Variants in NRDE2 observed in about 807,000 individuals in gnomAD.
NRDE2 encodes NRDE-2, necessary for RNA interference, domain containing.
A neutral mutation model predicts 124.2 loss-of-function variants in NRDE2; 76 were observed. The observed-to-expected ratio is 0.61, with a 90% CI of 0.51 to 0.74. The LOEUF (loss-of-function observed/expected upper bound fraction) is 0.74, where lower values mean the gene tolerates loss of function less well. NRDE2 is among the 30% of genes least tolerant of loss of function. The pLI, the probability that NRDE2 is intolerant of heterozygous loss-of-function variation, is 0.00. For synonymous variants in NRDE2, 489 were observed against 528.1 expected, an observed-to-expected ratio of 0.93 and a Z score of 1.01; for missense variants, 1,314 against 1,417.3, an observed-to-expected ratio of 0.93 and a Z score of 1.17.
chr14:90,287,199 T>C (rs1743101930), intron 11 of NRDE2, among the ~76,000 whole-genome samples: 1 of 151,972 alleles, frequency 6.6e-6, no homozygotes, highest in South Asian at 2.1e-4. Context: ...AAAAAACAAG[T>C]GAAATATTAT....
At chr14:90,285,648 T>A (rs1009138451) in intron 12 of NRDE2, among the ~76,000 whole-genome samples, 6 of 151,902 alleles carry the variant, frequency 3.9e-5, no homozygotes, top group Admixed American at 3.3e-4. Flanking sequence ...ATTTTTTTTT[T>A]AAGAGACAAG....
chr14:90,304,863 T>C (rs1049351589), intron 4 of NRDE2, among the ~76,000 whole-genome samples: 27 of 152,122 alleles, frequency 1.8e-4, no homozygotes, highest in African/African-American at 3.1e-4. Flanking sequence ...GAAGATAACA[T>C]ATAGGCCTAA....
chr14:90,317,953 T>A (rs1885106055), intron 2 of NRDE2, 52 bp downstream of exon 2: 1 of 1,341,830 alleles, frequency 7.5e-7, no homozygotes, highest in South Asian at 1.2e-5. Context: ...TCAGCTAAGC[T>A]ATAGACAGTA....
In NRDE2 at chr14:90,268,396, C is replaced by T. The variant is rs762847784; in HGVS notation, c.*9940G>A. The T allele has an allele frequency of 2.0e-5, 33 of 1,613,070 alleles. No individual in the cohort carries two copies. In the Middle Eastern group the frequency reaches 4.9e-4, roughly 24 times the overall value. ...CCATCGTGTTTATTGATGAAATTGACGCCATTGGGACAAAAAGGTAGACTT... is the reference window on the plus strand; with the variant it reads ...CCATCGTGTTTATTGATGAAATTGATGCCATTGGGACAAAAAGGTAGACTT... On this transcript the variant is annotated 3_prime_UTR_variant, in exon 14 of 14. Transcript: ENST00000354366.
intron 1 of NRDE2, among the ~76,000 whole-genome samples, chr14:90,324,493 T>C (rs1378280413): frequency 2.0e-5 from 3 of 151,894 alleles, no homozygotes; most frequent in Non-Finnish European, 4.4e-5. Flanking sequence ...CTGGCCAACA[T>C]GGTGAAACCC....
chr14:90,312,268 G>C, intron 4 of NRDE2, 126 bp downstream of exon 4: 1 of 817,806 alleles, frequency 1.2e-6, no homozygotes, highest in Non-Finnish European at 1.9e-6. Context: ...CCTGAACAAT[G>C]CAATAAATAA....
rs756566835 is a variant in NRDE2 at position 90,304,344 on chromosome 14, G to C, written c.596C>G (p.Pro199Arg). The C allele has an allele frequency of 3.1e-5, 50 of 1,612,948 alleles. No homozygotes were observed. In the Middle Eastern group the frequency reaches 5.0e-4, roughly 16 times the overall value. ...TTCCCAAGATATGCACTGCTTCTTA[G>C]GGTTAATGCCAAGGCAGGAGTCTCC... is the stretch of plus-strand genomic sequence containing the variant. ...RKGDSCLGINPKKQCISWEGT... is the reference protein window; with the variant it reads ...RKGDSCLGINRKKQCISWEGT... The change falls in exon 5 of 14, where the codon CCT becomes CGT. Residue 199 changes from proline to arginine, a missense_variant. By Grantham distance (103) the Pro-to-Arg change is moderately radical (BLOSUM62 -2). Coordinates refer to ENST00000354366, the MANE Select transcript of NRDE2 (RefSeq NM_017970.4).
At chr14:90,279,805 C>T (rs1891904036) in intron 12 of NRDE2, 2 of 152,360 alleles carry the variant, frequency 1.3e-5, no homozygotes, top group South Asian at 2.1e-4. Flanking sequence ...CAAGGAATCA[C>T]AGCCCACACG....
At chr14:90,291,502 C>CT (rs1892270559) in intron 9 of NRDE2, among the ~76,000 whole-genome samples, 1 of 152,234 alleles carries the variant, frequency 6.6e-6, no homozygotes, top group Non-Finnish European at 1.5e-5. Flanking sequence ...TGCTGGGACT[C>CT]TAAGCCTTGA....
In NRDE2 at chr14:90,268,667, C is replaced by G. The variant is rs965836860; in HGVS notation, c.*9669G>C. On this transcript the variant is annotated 3_prime_UTR_variant, in exon 14 of 14. Coordinates refer to ENST00000354366, the MANE Select transcript of NRDE2 (RefSeq NM_017970.4). Reference sequence around the variant, plus strand: ...CCGCCCTGATCCAGGACCATCTGGACTCTAGGGACACAGTTGTGAGCACAA... The same window carrying G: ...CCGCCCTGATCCAGGACCATCTGGAGTCTAGGGACACAGTTGTGAGCACAA... The G allele has an allele frequency of 1.8e-5, 7 of 388,050 alleles. No individual in the cohort carries two copies. Among genetic ancestry groups the G allele is most frequent in the African/African-American group, 1.4e-4 (7 of 48,366 alleles). 24.0% of individuals were successfully genotyped at this position (388,050 alleles called of 1,614,324 possible).
chr14:90,316,355 G>A (rs916294742), intron 3 of NRDE2, among the ~76,000 whole-genome samples: 2 of 152,154 alleles, frequency 1.3e-5, no homozygotes, highest in African/African-American at 4.8e-5. Context: ...AAGACTTTTT[G>A]TCTAAAAGAG....
At chr14:90,295,632 G>C (rs2139681697) in intron 8 of NRDE2, among the ~76,000 whole-genome samples, 1 of 152,332 alleles carries the variant, frequency 6.6e-6, no homozygotes, top group African/African-American at 2.4e-5. Flanking sequence ...CTAACAGAAA[G>C]TGAGGGCAAG....
At position 90,286,414 on chromosome 14, in the gene NRDE2, G is replaced by A. The variant is rs1892104354; in HGVS notation, c.3237C>T (p.Ala1079=). 2 of 1,614,174 alleles carry A rather than the reference G, an allele frequency of 1.2e-6. No individual in the cohort carries two copies. Among genetic ancestry groups the A allele is most frequent in the African/African-American group, 1.3e-5 (1 of 75,056 alleles). ...ACTGGCTGCCACTGTCGCTGCGCAT[G>A]GCATTTTCAAACAGGGCTTGGATCC... The part of the protein sequence containing the change: ...MHRIQALFEN[A]MRSDSGSQCP... The change falls in exon 12 of 14, where the codon GCC becomes GCT. Residue 1079 remains alanine, a synonymous_variant. Transcript: ENST00000354366.
intron 4 of NRDE2, among the ~76,000 whole-genome samples, chr14:90,310,634 C>T (rs1332992642): frequency 6.6e-6 from 1 of 151,962 alleles, no homozygotes; most frequent in Non-Finnish European, 1.5e-5. Flanking sequence ...AATCATCCTG[C>T]CTCACTCCCC....
rs1032162307 is a variant in NRDE2, at chr14:90,277,200, C to T, written c.*1136G>A. On this transcript the variant is annotated 3_prime_UTR_variant, in exon 14 of 14. Coordinates refer to ENST00000354366, the MANE Select transcript of NRDE2 (RefSeq NM_017970.4). ...GGGGCTGGGCTGGCCAGTTTCCCACCGTGCCCTGGGAGGTGCTCTCGTGCG... is the reference window on the plus strand; with the variant it reads ...GGGGCTGGGCTGGCCAGTTTCCCACTGTGCCCTGGGAGGTGCTCTCGTGCG... 3 of 152,244 alleles carry T rather than the reference C, an allele frequency of 2.0e-5. No homozygotes were observed. Among genetic ancestry groups the T allele is most frequent in the Non-Finnish European group, 4.4e-5 (3 of 68,102 alleles). 9.4% of individuals were successfully genotyped at this position (152,244 alleles called of 1,614,324 possible).
At position 90,269,295 on chromosome 14, in the gene NRDE2, ATGTT is replaced by A. The variant is rs1891599498; in HGVS notation, c.*9037_*9040del. 9.8e-7 allele frequency: 1 copy of A among 1,015,788 alleles called. No homozygotes were observed. The highest frequency in any genetic ancestry group is 1.6e-5 in the African/African-American group (1 of 61,814). The allele number at this position is 1,015,788 out of a possible 1,614,324, so 62.9% of individuals were successfully genotyped here. A position where few individuals can be genotyped will look rare whatever the true frequency, so the allele number is the denominator to read the frequency against. ...GAGTGCCATGTGAGTTGAAACAGGA[ATGTT>A]TGTTAAGGTGTTTTGTCACAATGAG... On this transcript the variant is annotated 3_prime_UTR_variant, in exon 14 of 14. Transcript: ENST00000354366.
In NRDE2 at chr14:90,274,787, T is replaced by TACACACACACACACAC. The variant is rs144111170; in HGVS notation, c.*3533_*3548dup. 103 of 110,974 alleles carry TACACACACACACACAC rather than the reference T, an allele frequency of 9.3e-4. No individual in the cohort carries two copies. The highest frequency in any genetic ancestry group is 2.0e-3 in the African/African-American group (64 of 31,810). 6.9% of individuals were successfully genotyped at this position (110,974 alleles called of 1,614,324 possible). On this transcript the variant is annotated 3_prime_UTR_variant, in exon 14 of 14. Transcript: ENST00000354366. Reference sequence around the variant, plus strand: ...CAGTATAGCCCTTTAAATAGGGAACTACACACACACACACACACACACACA... The same window carrying TACACACACACACACAC: ...CAGTATAGCCCTTTAAATAGGGAACTACACACACACACACACACACACACACACACACACACACACA...
chr14:90,281,551 C>T (rs532960818), intron 12 of NRDE2: 42 of 152,300 alleles, frequency 2.8e-4, no homozygotes, highest in African/African-American at 1.0e-3. Context: ...GTGTTTGAGT[C>T]CTCCGTGTAG....
intron 4 of NRDE2, among the ~76,000 whole-genome samples, chr14:90,308,146 A>C (rs1241114718): frequency 6.6e-6 from 1 of 152,230 alleles, no homozygotes; most frequent in Non-Finnish European, 1.5e-5. Context: ...CCTAAACATA[A>C]GCCAACTATT....
Sources: allele counts gnomAD v4.1 joint callset (sites outside exome capture counted in the v4.1 genomes callset), GRCh38; gene constraint gnomAD v4.1.1; transcripts MANE v1.5; gene names NCBI Gene and HGNC (gene_info 2026-07-23, HGNC 2026-07-21).